Variants in GARIN1A observed in about 807,000 individuals in gnomAD.
GARIN1A encodes Golgi-associated RAB2 interactor protein 1A.
At chr7:128,682,942 A>C in the GARIN1A span, 3 of 1,541,848 alleles carry the variant, frequency 1.9e-6, no homozygotes, top group African/African-American at 1.4e-5. Flanking sequence ...CAATAACCCC[A>C]AAATTCCCTG....
chr7:128,677,602 A>T, the GARIN1A span: 1 of 1,613,084 alleles, frequency 6.2e-7, no homozygotes, highest in Non-Finnish European at 8.5e-7. Flanking sequence ...CGAATCTACG[A>T]CCGGCTCCAG....
chr7:128,700,970 C>G, the GARIN1A span, among the ~76,000 whole-genome samples: 1 of 151,104 alleles, frequency 6.6e-6, no homozygotes, highest in African/African-American at 2.4e-5. Context: ...GGGCTTGGCT[C>G]CCCCACAGAT....
At chr7:128,691,478 T>C in the GARIN1A span, 3 of 152,134 alleles carry the variant, frequency 2.0e-5, no homozygotes, top group African/African-American at 7.2e-5. Context: ...GGGGGCTGGG[T>C]AAAATAAGGC....
the GARIN1A span, among the ~76,000 whole-genome samples, chr7:128,689,716 G>A: frequency 6.6e-6 from 1 of 150,432 alleles, no homozygotes; most frequent in African/African-American, 2.4e-5. Context: ...TCCCCGCCCG[G>A]CAGCCACCCC....
At chr7:128,672,571 G>T in the GARIN1A span, 1 of 1,514,928 alleles carries the variant, frequency 6.6e-7, no homozygotes, top group Non-Finnish European at 8.9e-7. Context: ...GGAGCTCAGG[G>T]CCAGCTGTCT....
the GARIN1A span, among the ~76,000 whole-genome samples, chr7:128,704,783 C>T: frequency 1.3e-5 from 2 of 152,188 alleles, no homozygotes; most frequent in African/African-American, 4.8e-5. Flanking sequence ...CTGCCGGCCA[C>T]TCACCTCCTG....
At chr7:128,677,598 T>G in the GARIN1A span, 1 of 1,608,578 alleles carries the variant, frequency 6.2e-7, no homozygotes, top group Non-Finnish European at 8.5e-7. Flanking sequence ...GCTACGAATC[T>G]ACGACCGGCT....
At chr7:128,675,546 A>C in the GARIN1A span, 1 of 878,750 alleles carries the variant, frequency 1.1e-6, no homozygotes, top group Non-Finnish European at 1.8e-6. Flanking sequence ...AAAAGGATCA[A>C]TAGCAGGTCA....
the GARIN1A span, chr7:128,686,096 C>T: frequency 5.3e-5 from 8 of 152,332 alleles, no homozygotes; most frequent in African/African-American, 1.9e-4. Flanking sequence ...ACCTGTAGTC[C>T]CAGCTACTCG....
chr7:128,675,841 C>G, the GARIN1A span: 5 of 1,612,596 alleles, frequency 3.1e-6, no homozygotes, highest in South Asian at 5.5e-5. Context: ...GGTGACGCCC[C>G]AGTCATCAAC....
chr7:128,676,240 G>A, the GARIN1A span, among the ~76,000 whole-genome samples: 7 of 151,974 alleles, frequency 4.6e-5, no homozygotes, highest in East Asian at 1.4e-3. Context: ...TCGATCTCCT[G>A]ATCTCGTGAT....
the GARIN1A span, among the ~76,000 whole-genome samples, chr7:128,696,718 C>T: frequency 1.3e-5 from 2 of 152,128 alleles, no homozygotes; most frequent in Non-Finnish European, 2.9e-5. Context: ...AGAACTCCAC[C>T]ACAGAAGGTG....
the GARIN1A span, among the ~76,000 whole-genome samples, chr7:128,707,160 C>G: frequency 6.6e-6 from 1 of 151,892 alleles, no homozygotes; most frequent in Non-Finnish European, 1.5e-5. Context: ...AGGCCATAGA[C>G]ATACCCATCA....
chr7:128,701,830 C>G, the GARIN1A span, among the ~76,000 whole-genome samples: 2 of 152,224 alleles, frequency 1.3e-5, no homozygotes, highest in East Asian at 3.9e-4. Context: ...TGGAGAGGAA[C>G]TCAGAACTCA....
the GARIN1A span, among the ~76,000 whole-genome samples, chr7:128,705,653 GTGTTT>G: frequency 3.5e-5 from 3 of 86,858 alleles, no homozygotes; most frequent in Non-Finnish European, 6.9e-5. Flanking sequence ...GATTTTTTTG[GTGTTT>G]TTTTTTTTTT....
At chr7:128,673,785 C>T in the GARIN1A span, among the ~76,000 whole-genome samples, 3 of 152,246 alleles carry the variant, frequency 2.0e-5, no homozygotes, top group East Asian at 1.9e-4. Context: ...AAACCTGAGG[C>T]GAGCTCATTC....
chr7:128,699,260 G>GCCCCCC, the GARIN1A span, among the ~76,000 whole-genome samples: 69 of 105,006 alleles, frequency 6.6e-4, 5 homozygotes, highest in Non-Finnish European at 1.0e-3. Context: ...CATACCTGCT[G>GCCCCCC]CCCCCCCCCC....
the GARIN1A span, chr7:128,672,648 G>GGA: frequency 2.0e-5 from 14 of 709,208 alleles, no homozygotes; most frequent in South Asian, 8.3e-5. Flanking sequence ...AGCCCTGGGG[G>GGA]AGGGGGGGGC....
At chr7:128,696,860 C>T in the GARIN1A span, among the ~76,000 whole-genome samples, 4 of 152,320 alleles carry the variant, frequency 2.6e-5, no homozygotes, top group African/African-American at 9.6e-5. Context: ...TTATGCCACT[C>T]TGACCATTCT....
Sources: allele counts gnomAD v4.1 joint callset (sites outside exome capture counted in the v4.1 genomes callset), GRCh38; gene constraint gnomAD v4.1.1; transcripts MANE v1.5; gene names NCBI Gene and HGNC (gene_info 2026-07-23, HGNC 2026-07-21).